The following LOC400499 variants were observed in gnomAD, a reference collection of about 807,000 sequenced individuals.
chr16:11,394,774 C>T, the LOC400499 span, among the ~76,000 whole-genome samples: 6 of 152,252 alleles, frequency 3.9e-5, no homozygotes, highest in Admixed American at 6.5e-5. Context: ...CCACCACAGC[C>T]GTGGGTCCTG....
chr16:11,445,616 A>G, the LOC400499 span, among the ~76,000 whole-genome samples: 1 of 152,078 alleles, frequency 6.6e-6, no homozygotes, highest in Non-Finnish European at 1.5e-5. Context: ...GGCAGGAAAG[A>G]GCCAGGCGAG....
the LOC400499 span, among the ~76,000 whole-genome samples, chr16:11,382,051 C>T: frequency 7.2e-5 from 11 of 152,236 alleles, no homozygotes; most frequent in African/African-American, 2.4e-4. Flanking sequence ...ATTCTCCTGC[C>T]TCAGCCTTCA....
the LOC400499 span, chr16:11,414,508 T>A: frequency 2.5e-6 from 1 of 399,928 alleles, no homozygotes; most frequent in Non-Finnish European, 4.4e-6. Context: ...GGTCTGGGTC[T>A]CTAGAGACAG....
chr16:11,395,886 T>TC, the LOC400499 span, among the ~76,000 whole-genome samples: 9 of 151,990 alleles, frequency 5.9e-5, no homozygotes, highest in Non-Finnish European at 1.0e-4. Context: ...AAATATCTGA[T>TC]CCCCTCCTAC....
the LOC400499 span, among the ~76,000 whole-genome samples, chr16:11,450,216 C>T: frequency 1.4e-3 from 219 of 152,348 alleles, no homozygotes; most frequent in African/African-American, 5.0e-3. Flanking sequence ...CTTGCTTCTG[C>T]ACCAAACGTG....
chr16:11,526,357 C>A, the LOC400499 span, among the ~76,000 whole-genome samples: 1 of 152,140 alleles, frequency 6.6e-6, no homozygotes, highest in Admixed American at 6.5e-5. Flanking sequence ...TGAGACCAGC[C>A]TGGGCAACAT....
At chr16:11,400,343 C>G in the LOC400499 span, among the ~76,000 whole-genome samples, 2 of 152,324 alleles carry the variant, frequency 1.3e-5, no homozygotes, top group East Asian at 3.9e-4. Context: ...CGGCTCCTTC[C>G]CATCCCGGGG....
the LOC400499 span, among the ~76,000 whole-genome samples, chr16:11,373,448 G>A: frequency 3.2e-4 from 48 of 152,106 alleles, no homozygotes; most frequent in African/African-American, 1.1e-3. Flanking sequence ...ATTCTCCTGC[G>A]TCAGCCTCCT....
the LOC400499 span, among the ~76,000 whole-genome samples, chr16:11,410,527 G>C: frequency 9.2e-4 from 140 of 152,322 alleles, no homozygotes; most frequent in African/African-American, 3.2e-3. Context: ...CGAAGTTTGA[G>C]GAACTCCAAA....
chr16:11,406,105 G>A, the LOC400499 span, among the ~76,000 whole-genome samples: 15 of 152,114 alleles, frequency 9.9e-5, no homozygotes, highest in Admixed American at 5.2e-4. Context: ...GGCTTCCAGC[G>A]TCCCTGTCAC....
chr16:11,455,989 T>A, the LOC400499 span, among the ~76,000 whole-genome samples: 4 of 151,188 alleles, frequency 2.6e-5, no homozygotes, highest in East Asian at 7.7e-4. Flanking sequence ...AAACAAGGTA[T>A]CGCTTCGATA....
At chr16:11,434,057 G>T in the LOC400499 span, among the ~76,000 whole-genome samples, 2 of 152,256 alleles carry the variant, frequency 1.3e-5, no homozygotes, top group Non-Finnish European at 2.9e-5. Context: ...GCAGAGGGAG[G>T]ACAGGAAGGG....
chr16:11,390,039 G>T, the LOC400499 span: 1 of 1,058,166 alleles, frequency 9.5e-7, no homozygotes, highest in Non-Finnish European at 1.2e-6. Context: ...AGGTGTCAAA[G>T]CATTCAGCAC....
the LOC400499 span, among the ~76,000 whole-genome samples, chr16:11,521,337 A>G: frequency 1.1e-4 from 16 of 152,232 alleles, no homozygotes; most frequent in Non-Finnish European, 2.1e-4. Flanking sequence ...GAAATGAGAC[A>G]GAGGCAAATG....
chr16:11,514,708 C>G, the LOC400499 span, among the ~76,000 whole-genome samples: 1 of 152,106 alleles, frequency 6.6e-6, no homozygotes, highest in African/African-American at 2.4e-5. Context: ...CCTGCGTCAC[C>G]CACCCCTGGC....
At chr16:11,452,223 C>CTTTTTTTTTTTTTTTTTT in the LOC400499 span, among the ~76,000 whole-genome samples, 1 of 71,674 alleles carries the variant, frequency 1.4e-5, no homozygotes, top group African/African-American at 5.1e-5. Flanking sequence ...TTTTTTTTTG[C>CTTTTTTTTTTTTTTTTTT]TTTTGAGGTC....
At chr16:11,375,732 A>ATTTTTTTT in the LOC400499 span, among the ~76,000 whole-genome samples, 24 of 130,674 alleles carry the variant, frequency 1.8e-4, 2 homozygotes, top group South Asian at 2.4e-4. Context: ...TCCTTTGTAC[A>ATTTTTTTT]TTTTTTTTTT....
chr16:11,523,358 G>C, the LOC400499 span: 1 of 398,638 alleles, frequency 2.5e-6, no homozygotes, highest in East Asian at 3.6e-5. Context: ...ATTGGGCCCT[G>C]TACTGGGCTC....
the LOC400499 span, chr16:11,399,525 G>A: frequency 2.5e-6 from 1 of 398,742 alleles, no homozygotes; most frequent in African/African-American, 2.1e-5. Context: ...ACGTTGAGCT[G>A]TTCAACGAAC....
Sources: allele counts gnomAD v4.1 joint callset (sites outside exome capture counted in the v4.1 genomes callset), GRCh38; gene constraint gnomAD v4.1.1; transcripts MANE v1.5.